Variants in CAST observed in about 807,000 individuals in gnomAD.
The protein encoded by CAST is MIR583 host.
A neutral mutation model predicts 119.6 loss-of-function variants in CAST; 76 were observed. The observed-to-expected ratio is 0.64, with a 90% confidence interval of 0.53 to 0.77. The LOEUF is 0.77. Ranked by LOEUF, CAST falls within the 30% of genes least tolerant of loss-of-function variation. The probability of loss-of-function intolerance (pLI) is 0.00; values close to 1 mark genes in which losing one functional copy is unlikely to be tolerated. For synonymous variants in CAST, 319 were observed against 331.6 expected (o/e 0.96, Z 0.41); for missense variants, 953 against 946.5 (o/e 1.01, Z -0.09).
chr5:96,652,318 C>T (rs1426269015), intron 1 of CAST, among the ~76,000 whole-genome samples: 2 of 152,150 alleles, frequency 1.3e-5, no homozygotes, highest in Non-Finnish European at 2.9e-5. Flanking sequence ...TTAGAATACT[C>T]ATGGTATAAA....
the CAST span, among the ~76,000 whole-genome samples, chr5:96,465,134 A>G: frequency 6.6e-6 from 1 of 151,378 alleles, no homozygotes; most frequent in Non-Finnish European, 1.5e-5. Flanking sequence ...CTTTTGGCAG[A>G]TTTTTTTTCT....
the CAST span, among the ~76,000 whole-genome samples, chr5:96,328,485 G>C: frequency 6.7e-6 from 1 of 149,590 alleles, no homozygotes; most frequent in Non-Finnish European, 1.5e-5. Flanking sequence ...TTTCCTTTCT[G>C]GGCGTTTGTG....
At chr5:96,077,039 T>A in the CAST span, among the ~76,000 whole-genome samples, 4 of 151,874 alleles carry the variant, frequency 2.6e-5, no homozygotes, top group South Asian at 8.3e-4. Flanking sequence ...TCCATGTTTT[T>A]AGTCTTATTA....
chr5:96,349,233 A>G, the CAST span, among the ~76,000 whole-genome samples: 1 of 149,886 alleles, frequency 6.7e-6, no homozygotes, highest in Non-Finnish European at 1.5e-5. Context: ...ACTAAAATAA[A>G]TCTCAGCTGG....
At chr5:96,180,124 C>T in the CAST span, among the ~76,000 whole-genome samples, 2 of 152,132 alleles carry the variant, frequency 1.3e-5, no homozygotes, top group Non-Finnish European at 2.9e-5. Flanking sequence ...AATCTGAGGC[C>T]AGCTTTTCTC....
chr5:96,704,161 T>C (rs1754470149), intron 3 of CAST, among the ~76,000 whole-genome samples: 1 of 152,228 alleles, frequency 6.6e-6, no homozygotes, highest in South Asian at 2.1e-4. Flanking sequence ...TCCTGGTGTC[T>C]ATTACGAATC....
the CAST span, among the ~76,000 whole-genome samples, chr5:96,133,811 G>A: frequency 6.6e-6 from 1 of 151,994 alleles, no homozygotes; most frequent in African/African-American, 2.4e-5. Context: ...TGGTGAAGAC[G>A]AGAAGCCAGG....
chr5:96,289,499 T>A, the CAST span, among the ~76,000 whole-genome samples: 2 of 152,154 alleles, frequency 1.3e-5, no homozygotes. Context: ...ATGGTTTTAA[T>A]AAGGGGAAAC....
chr5:96,069,639 C>T, the CAST span, among the ~76,000 whole-genome samples: 45,921 of 145,912 alleles, frequency 0.31, 7,415 homozygotes, highest in African/African-American at 0.38. Context: ...TGTGCCACTA[C>T]ATCTGGGTAA....
At chr5:96,424,024 G>C in the CAST span, among the ~76,000 whole-genome samples, 1 of 152,180 alleles carries the variant, frequency 6.6e-6, no homozygotes, top group Non-Finnish European at 1.5e-5. Context: ...GTCTGTGAGA[G>C]GAGATTCAGG....
chr5:96,771,760 T>C, intron 31 of CAST, 58 bp downstream of exon 31: 2 of 1,089,466 alleles, frequency 1.8e-6, no homozygotes, highest in Admixed American at 3.6e-5. Context: ...AATTTATGTG[T>C]TATAGATGAG....
intron 2 of CAST, among the ~76,000 whole-genome samples, chr5:96,687,371 C>T (rs1332941906): frequency 1.3e-5 from 2 of 152,180 alleles, no homozygotes; most frequent in African/African-American, 4.8e-5. Flanking sequence ...GAATCTTTGT[C>T]AGTGTGACTG....
At chr5:96,543,897 T>C (rs564645872) in intron 1 of CAST, among the ~76,000 whole-genome samples, 2 of 152,318 alleles carry the variant, frequency 1.3e-5, no homozygotes, top group East Asian at 3.9e-4. Context: ...CTGGGCTCTC[T>C]ATTCTGTTCT....
chr5:96,364,788 T>A, the CAST span, among the ~76,000 whole-genome samples: 1 of 152,212 alleles, frequency 6.6e-6, no homozygotes, highest in Non-Finnish European at 1.5e-5. Context: ...TTGGATTCAT[T>A]GATTTTTGGA....
chr5:96,708,569 C>T (rs1755477752), intron 3 of CAST, among the ~76,000 whole-genome samples: 2 of 152,286 alleles, frequency 1.3e-5, no homozygotes, highest in Middle Eastern at 3.4e-3. Flanking sequence ...CAGCTCACTG[C>T]AGCCTTGACC....
intron 24 of CAST, chr5:96,760,918 AC>A (rs889338839): frequency 2.0e-5 from 3 of 152,044 alleles, no homozygotes; most frequent in Admixed American, 2.0e-4. Flanking sequence ...ATGAAAAAGT[AC>A]TAAAAAGCAT....
intron 1 of CAST, among the ~76,000 whole-genome samples, chr5:96,619,494 C>G (rs181169140): frequency 7.3e-4 from 111 of 152,312 alleles, no homozygotes; most frequent in Middle Eastern, 3.4e-3. Flanking sequence ...GCAGGCTGCC[C>G]GAACTAGCAG....
At chr5:96,498,363 A>G in the CAST span, among the ~76,000 whole-genome samples, 1 of 152,198 alleles carries the variant, frequency 6.6e-6, no homozygotes, top group Non-Finnish European at 1.5e-5. Flanking sequence ...TTGGTTCCAT[A>G]TGAACTTTAA....
the CAST span, among the ~76,000 whole-genome samples, chr5:96,048,350 G>C: frequency 6.6e-6 from 1 of 152,176 alleles, no homozygotes; most frequent in Non-Finnish European, 1.5e-5. Flanking sequence ...GCTTTGATGA[G>C]AAGAGTGATG....
Sources: allele counts gnomAD v4.1 joint callset (sites outside exome capture counted in the v4.1 genomes callset), GRCh38; gene constraint gnomAD v4.1.1; transcripts MANE v1.5; gene names NCBI Gene and HGNC (gene_info 2026-07-23, HGNC 2026-07-21).